SNX19: variants seen among roughly 807,000 people sequenced by gnomAD.
SNX19 encodes sorting nexin-19.
SNX19 carries 60 observed loss-of-function variants against 85.2 expected under a neutral mutation model. The ratio of observed to expected loss-of-function variants is 0.70; its 90% CI spans 0.57 to 0.87. SNX19 has a LOEUF of 0.87. SNX19 is among the 40% of genes least tolerant of loss of function. The pLI, the probability that SNX19 is intolerant of heterozygous loss-of-function variation, is 0.00. For synonymous variants in SNX19, 520 were observed against 470.0 expected, an observed-to-expected ratio of 1.11 and a Z score of -1.38; for missense variants, 1,201 against 1,217.8, an observed-to-expected ratio of 0.99 and a Z score of 0.21.
rs544447541 is a variant in SNX19 at position 130,874,485 on chromosome 11, T to C, written c.*3937A>G. Among the ~76,000 whole-genome samples, 5 of 152,328 alleles carry C rather than the reference T, an allele frequency of 3.3e-5. No homozygotes were observed. The highest frequency in any genetic ancestry group is 3.9e-4 in the East Asian group (2 of 5,188). On this transcript the variant is annotated 3_prime_UTR_variant, in exon 11 of 11. Coordinates refer to ENST00000265909, the MANE Select transcript of SNX19 (RefSeq NM_014758.3). ...AGTCTGAGAGCACAGCTGACCTAAT[T>C]AGAATGGCAAGGAAGAAAGATGGAA...
intron 8 of SNX19, chr11:130,895,270 C>G: frequency 1.0e-6 from 1 of 983,832 alleles, no homozygotes. Flanking sequence ...AACTGAAGAT[C>G]TGGGTATGCC....
At chr11:130,905,265 C>T (rs1224283486) in intron 7 of SNX19, among the ~76,000 whole-genome samples, 2 of 152,182 alleles carry the variant, frequency 1.3e-5, no homozygotes, top group African/African-American at 2.4e-5. Context: ...AAGCTTTCAC[C>T]TCTTCTCCCT....
intron 8 of SNX19, chr11:130,894,625 C>G (rs1287982969): frequency 1.0e-6 from 1 of 985,258 alleles, no homozygotes; most frequent in Non-Finnish European, 1.2e-6. Context: ...GAGAGAATTC[C>G]TGTGCCCACG....
At chr11:130,905,293 T>A (rs934245289) in intron 7 of SNX19, among the ~76,000 whole-genome samples, 2 of 152,160 alleles carry the variant, frequency 1.3e-5, no homozygotes, top group Admixed American at 6.5e-5. Flanking sequence ...TTATGTTGGG[T>A]AACTAGGTGG....
At chr11:130,905,788 C>T (rs1214545315) in intron 7 of SNX19, 165 bp downstream of exon 7, 8 of 1,539,052 alleles carry the variant, frequency 5.2e-6, no homozygotes, top group Non-Finnish European at 6.1e-6. Flanking sequence ...CTATGTACTA[C>T]TCATCTCTGT....
intron 8 of SNX19, 130 bp downstream of exon 8, chr11:130,903,125 T>C (rs904501388): frequency 2.2e-6 from 3 of 1,334,062 alleles, no homozygotes; most frequent in Admixed American, 2.3e-5. Flanking sequence ...GCATTTTTCA[T>C]CCCTGTAACC....
chr11:130,910,444 A>G (rs1592369593), intron 2 of SNX19, 74 bp from the exon 3 acceptor site: 6 of 1,101,348 alleles, frequency 5.4e-6, no homozygotes, highest in Non-Finnish European at 7.8e-6. Context: ...TAAAACATAT[A>G]AAGAAAACAG....
chr11:130,896,495 C>T (rs1049589359), intron 8 of SNX19, among the ~76,000 whole-genome samples: 9 of 152,268 alleles, frequency 5.9e-5, no homozygotes, highest in East Asian at 3.9e-4. Context: ...GATGGGAATA[C>T]GGCAAGGGAA....
In SNX19 at chr11:130,903,299, G is replaced by A; in HGVS notation, c.2529C>T (p.Asn843=). 3.1e-6 allele frequency: 5 copies of A among 1,613,940 alleles called. No individual in the cohort carries two copies. The highest frequency in any genetic ancestry group is 4.2e-6 in the Non-Finnish European group (5 of 1,179,896). ...TEQWKWLCTE[N]MQKFLRLIFG... ...AGATAAGACGAAGAAACTTTTGCAT[G>A]TTTTCGGTACATAGCCATTTCCACT... The change falls in exon 8 of 11, where the codon AAC becomes AAT. Residue 843 remains asparagine (N), a synonymous_variant. Coordinates refer to ENST00000265909, the MANE Select transcript of SNX19 (RefSeq NM_014758.3).
At chr11:130,906,546 G>T in intron 6 of SNX19, 79 bp downstream of exon 6, 3 of 997,736 alleles carry the variant, frequency 3.0e-6, no homozygotes, top group South Asian at 1.3e-5. Flanking sequence ...TGACTTCAGA[G>T]AATATCTCAA....
intron 8 of SNX19, among the ~76,000 whole-genome samples, chr11:130,902,826 A>T (rs956630456): frequency 6.6e-6 from 1 of 152,226 alleles, no homozygotes; most frequent in African/African-American, 2.4e-5. Flanking sequence ...CAGAGAAAAC[A>T]ATCTTTATTT....
intron 8 of SNX19, among the ~76,000 whole-genome samples, chr11:130,884,871 C>CAAAAAAAAA (rs34426333): frequency 1.5e-5 from 1 of 64,992 alleles, no homozygotes; most frequent in African/African-American, 5.4e-5. Flanking sequence ...GACTCCATCT[C>CAAAAAAAAA]AAAAAAAAAA....
At chr11:130,898,150 CTGT>C (rs1945007789) in intron 8 of SNX19, among the ~76,000 whole-genome samples, 1 of 99,380 alleles carries the variant, frequency 1.0e-5, no homozygotes, top group Non-Finnish European at 2.2e-5. Flanking sequence ...CGAACTTACT[CTGT>C]TTTTTTTTTT....
At chr11:130,889,061 A>C (rs1466517984) in intron 8 of SNX19, among the ~76,000 whole-genome samples, 1 of 152,150 alleles carries the variant, frequency 6.6e-6, no homozygotes, top group Non-Finnish European at 1.5e-5. Context: ...ACAATTACCT[A>C]CATATATTTT....
chr11:130,914,475 T>C lies in SNX19; in HGVS notation c.1465A>G (p.Asn489Asp). 3.7e-6 allele frequency: 6 copies of C among 1,613,848 alleles called. No individual in the cohort carries two copies. The highest frequency in any genetic ancestry group is 5.1e-6 in the Non-Finnish European group (6 of 1,179,804). Residue 489 changes from asparagine (N) to aspartate (D), a missense_variant, in exon 1 of 11, where the codon AAT becomes GAT. Transcript: ENST00000265909. ...GTAGGATCAAGGGAGCTCACATCAT[T>C]GGTGAGATCCTTCTCTAAGCATGAC... is the stretch of plus-strand genomic sequence containing the variant. ...RPSCLEKDLT[N>D]DVSSLDPTLP... is the part of the protein sequence containing the mutation.
chr11:130,879,683 G>A lies in SNX19; in HGVS notation c.2787C>T (p.Asn929=). The change falls in exon 10 of 11, where the codon AAC becomes AAT. Residue 929 remains asparagine, a synonymous_variant. Coordinates refer to ENST00000265909, the MANE Select transcript of SNX19 (RefSeq NM_014758.3). ...CTAGACCCCAGCTCAGCCGGCATTT[G>A]TTCACCCCAAGAATTTCTACTACGA... is the stretch of plus-strand genomic sequence containing the variant. The part of the protein sequence containing the change: ...PDLVVEILGV[N]KCRLSWGLVL... 6.2e-7 allele frequency: 1 copy of A among 1,613,862 alleles called. No individual in the cohort carries two copies. Among genetic ancestry groups the A allele is most frequent in the African/African-American group, 1.3e-5 (1 of 74,980 alleles).
rs1246184306 is a variant in SNX19, at chr11:130,871,029, C to T, written c.*7393G>A. On this transcript the variant is annotated 3_prime_UTR_variant, in exon 11 of 11. Coordinates refer to ENST00000265909, the MANE Select transcript of SNX19 (RefSeq NM_014758.3). ...CTTGAAAATGGAACTTGAATTGGTC[C>T]TTATGGGCAGAGGTAGCCTACTTGC... is the stretch of plus-strand genomic sequence containing the variant. Among the ~76,000 whole-genome samples the T allele has an allele frequency of 6.6e-6, 1 of 152,050 alleles. No individual in the cohort carries two copies. The highest frequency in any genetic ancestry group is 2.4e-5 in the African/African-American group (1 of 41,392).
At position 130,915,568 on chromosome 11, in the gene SNX19, C is replaced by T; in HGVS notation, c.372G>A (p.Glu124=). ...CCTCCATTTCTTCCTCAAAGGCTGGCTCCTGGCTCACGGAACGGTACCAAG... is the reference window on the plus strand; with the variant it reads ...CCTCCATTTCTTCCTCAAAGGCTGGTTCCTGGCTCACGGAACGGTACCAAG... The part of the protein sequence containing the change: ...VLSWYRSVSQ[E]PAFEEEMEAA... The change falls in exon 1 of 11, where the codon GAG becomes GAA. Residue 124 remains glutamate, a synonymous_variant. Coordinates refer to ENST00000265909, the MANE Select transcript of SNX19 (RefSeq NM_014758.3). 6.2e-7 allele frequency: 1 copy of T among 1,614,234 alleles called. No homozygotes were observed. The highest frequency in any genetic ancestry group is 8.5e-7 in the Non-Finnish European group (1 of 1,180,034).
intron 8 of SNX19, chr11:130,902,967 G>A (rs1285203178): frequency 3.4e-6 from 1 of 291,000 alleles, no homozygotes; most frequent in South Asian, 4.7e-5. Context: ...TAACTGGGTG[G>A]AAAATTGAGA....
Sources: gnomAD v4.1 joint callset for allele counts (sites outside exome capture counted in the v4.1 genomes callset) on GRCh38, gnomAD v4.1.1 for gene constraint, MANE v1.5 for transcripts, NCBI Gene and HGNC (gene_info 2026-07-23, HGNC 2026-07-21) for gene names.